PLXNA4: variants seen among roughly 807,000 people sequenced by gnomAD.
PLXNA4 encodes the protein plexin A4.
In PLXNA4, 44 loss-of-function variants were observed where a neutral mutation model predicts 191.8. The observed-to-expected ratio is 0.23, with a 90% CI of 0.18 to 0.29. The LOEUF (loss-of-function observed/expected upper bound fraction) is 0.29, where lower values mean the gene tolerates loss of function less well. Ranked by LOEUF, PLXNA4 falls within the 10% of genes least tolerant of loss-of-function variation. The pLI, the probability that PLXNA4 is intolerant of heterozygous loss-of-function variation, is 1.00. For missense variants in PLXNA4, 1,800 were observed against 2,488.8 expected (o/e 0.72, Z 5.89); for synonymous variants, 1,082 against 1,009.5 (o/e 1.07, Z -1.36).
intron 3 of PLXNA4, among the ~76,000 whole-genome samples, chr7:132,448,788 G>C (rs1313299633): frequency 6.6e-6 from 1 of 152,148 alleles, no homozygotes. Flanking sequence ...CCAACAAAGG[G>C]CTCTGAACTA....
chr7:132,244,665 G>C (rs1798988994), intron 4 of PLXNA4, among the ~76,000 whole-genome samples: 1 of 152,082 alleles, frequency 6.6e-6, no homozygotes, highest in Non-Finnish European at 1.5e-5. Flanking sequence ...CAGAACCAGG[G>C]AAATCTCCCA....
chr7:132,183,385 A>G (rs1796775033), intron 16 of PLXNA4, among the ~76,000 whole-genome samples: 1 of 152,186 alleles, frequency 6.6e-6, no homozygotes, highest in Non-Finnish European at 1.5e-5. Context: ...GTTCACAAGT[A>G]ACCCAGGTGG....
At chr7:132,199,962 G>A (rs1001207465) in intron 12 of PLXNA4, among the ~76,000 whole-genome samples, 1 of 152,224 alleles carries the variant, frequency 6.6e-6, no homozygotes, top group African/African-American at 2.4e-5. Flanking sequence ...ATTTCTATGA[G>A]AGGGAGGTGG....
In PLXNA4 at chr7:132,132,395, C is replaced by G. The variant is rs1794957538; in HGVS notation, c.5589+654G>C. Among the ~76,000 whole-genome samples, 4 of 42,632 alleles carry G rather than the reference C, an allele frequency of 9.4e-5. 1 individual carries two copies. In the Admixed American group the frequency reaches 1.1e-3, roughly 11 times the overall value. 28.0% of individuals were successfully genotyped at this position (42,632 alleles called of 152,430 possible). A position where few individuals can be genotyped will look rare whatever the true frequency, so the allele number is the denominator to read the frequency against. ...CACATTCTATTTGTTCTGTTCTGTT[C>G]TGTTCTGTTCTGTTCTGTTCTGTTC... On this transcript the variant is annotated intron_variant, in intron 31 of 31. Coordinates refer to ENST00000321063, the MANE Select transcript of PLXNA4 (RefSeq NM_020911.2).
chr7:132,361,047 C>A (rs776331179), intron 3 of PLXNA4, among the ~76,000 whole-genome samples: 1 of 152,166 alleles, frequency 6.6e-6, no homozygotes. Flanking sequence ...AAGATACTGG[C>A]CTTAACATGG....
chr7:132,207,324 G>A (rs1366063118), intron 10 of PLXNA4, among the ~76,000 whole-genome samples: 3 of 152,232 alleles, frequency 2.0e-5, no homozygotes, highest in Non-Finnish European at 4.4e-5. Context: ...ATGAGTCCGC[G>A]GAAGCTGGGC....
At chr7:132,337,105 C>T (rs893857426) in intron 3 of PLXNA4, among the ~76,000 whole-genome samples, 3 of 152,222 alleles carry the variant, frequency 2.0e-5, no homozygotes, top group Non-Finnish European at 4.4e-5. Flanking sequence ...AAAGCGGTGG[C>T]AATGTGTCCG....
At position 132,459,188 on chromosome 7, in the gene PLXNA4, G is replaced by A. The variant is rs575675379; in HGVS notation, c.1371+30104C>T. 5.8e-4 allele frequency among the ~76,000 whole-genome samples: 89 copies of A among 152,272 alleles called. 2 individuals are homozygous for A. Among genetic ancestry groups the A allele is most frequent in the South Asian group, 3.9e-3 (19 of 4,820 alleles). On this transcript the variant is annotated intron_variant, in intron 3 of 31. Coordinates refer to ENST00000321063, the MANE Select transcript of PLXNA4 (RefSeq NM_020911.2). ...TTTGGGCTGCTGTCTGATCTAAGACGGCAGCTCTGAGGATCAATTCCCCTG... is the reference window on the plus strand; with the variant it reads ...TTTGGGCTGCTGTCTGATCTAAGACAGCAGCTCTGAGGATCAATTCCCCTG...
At chr7:132,163,041 C>T (rs547929219) in intron 24 of PLXNA4, among the ~76,000 whole-genome samples, 1 of 152,346 alleles carries the variant, frequency 6.6e-6, no homozygotes, top group South Asian at 2.1e-4. Flanking sequence ...TCAGTCTGTT[C>T]CCCGTCCTCC....
intron 3 of PLXNA4, among the ~76,000 whole-genome samples, chr7:132,444,899 C>T (rs994740455): frequency 4.0e-5 from 6 of 151,424 alleles, no homozygotes; most frequent in African/African-American, 1.5e-4. Context: ...CGCGGTGGCT[C>T]ACTCCTGTAA....
intron 3 of PLXNA4, among the ~76,000 whole-genome samples, chr7:132,408,725 C>A (rs1338177610): frequency 6.6e-6 from 1 of 152,136 alleles, no homozygotes; most frequent in Non-Finnish European, 1.5e-5. Flanking sequence ...CTCAAACTCC[C>A]AAAGTGCTGG....
chr7:132,207,274 C>T (rs989838831), intron 10 of PLXNA4, among the ~76,000 whole-genome samples: 5 of 152,204 alleles, frequency 3.3e-5, no homozygotes, highest in Admixed American at 3.3e-4. Flanking sequence ...CTGTTTTGCA[C>T]GTGGTAAATG....
intron 12 of PLXNA4, 26 bp downstream of exon 12, chr7:132,202,620 G>A (rs1797476722): frequency 4.8e-6 from 7 of 1,446,548 alleles, no homozygotes; most frequent in African/African-American, 2.9e-5. Flanking sequence ...TGCCCATTTG[G>A]AGCAGGAGGC....
chr7:132,318,661 C>CTTTTTTT (rs56179808), intron 3 of PLXNA4, among the ~76,000 whole-genome samples: 7 of 109,904 alleles, frequency 6.4e-5, no homozygotes, highest in Non-Finnish European at 7.2e-5. Flanking sequence ...ACGCACTTTG[C>CTTTTTTT]TTTTTTTTTT....
Position 132,126,150 on chromosome 7 carries a change from A to C in PLXNA4, c.*4329T>G, listed in dbSNP as rs1410849086. ...TTAGGTCACAGAGGGTGGTGCTGAG[A>C]CCTGGGCCCATCACAGCATCGTTCA... On this transcript the variant is annotated 3_prime_UTR_variant, in exon 32 of 32. Coordinates refer to ENST00000321063, the MANE Select transcript of PLXNA4 (RefSeq NM_020911.2). 6.6e-6 allele frequency: 1 copy of C among 152,314 alleles called. No individual in the cohort carries two copies. The highest frequency in any genetic ancestry group is 6.5e-5 in the Admixed American group (1 of 15,288). The allele number at this position is 152,314 out of a possible 1,614,324, so 9.4% of individuals were successfully genotyped here.
At position 132,128,007 on chromosome 7, in the gene PLXNA4, A is replaced by ATC. The variant is rs201148129; in HGVS notation, c.*2471_*2472insGA. 6.7e-6 allele frequency: 1 copy of ATC among 149,602 alleles called. No homozygotes were observed. The highest frequency in any genetic ancestry group is 2.1e-4 in the South Asian group (1 of 4,768). The allele number at this position is 149,602 out of a possible 1,614,324, so 9.3% of individuals were successfully genotyped here. A position where few individuals can be genotyped will look rare whatever the true frequency, so the allele number is the denominator to read the frequency against. On this transcript the variant is annotated 3_prime_UTR_variant, in exon 32 of 32. Coordinates refer to ENST00000321063, the MANE Select transcript of PLXNA4 (RefSeq NM_020911.2). ...TTAACTGTGCAAAAAAAAAAAAAAA[A>ATC]AATCAAAATGCACTCACTCATACAC...
chr7:132,273,722 T>A (rs771161595), intron 4 of PLXNA4, among the ~76,000 whole-genome samples: 1 of 152,076 alleles, frequency 6.6e-6, no homozygotes, highest in East Asian at 1.9e-4. Flanking sequence ...CCCCCATTTA[T>A]AAAATGGAGA....
intron 4 of PLXNA4, among the ~76,000 whole-genome samples, chr7:132,296,145 T>C (rs1473349243): frequency 2.0e-5 from 3 of 152,132 alleles, no homozygotes; most frequent in Non-Finnish European, 4.4e-5. Context: ...CAGGCCAGTC[T>C]CCACATCTGT....
At position 132,174,919 on chromosome 7, in the gene PLXNA4, G is replaced by A. The variant is rs13232207; in HGVS notation, c.3876C>T (p.Ala1292=). 1.2e-6 allele frequency: 2 copies of A among 1,613,874 alleles called. No individual in the cohort carries two copies. Among genetic ancestry groups the A allele is most frequent in the African/African-American group, 1.3e-5 (1 of 74,926 alleles). The part of the protein sequence containing the change: ...ESRVALECKE[A]FAELQTDIHE... ...GGATGTCCGTCTGCAGCTCGGCAAA[G>A]GCTGGCACGAAGAGAAGCCTGTGAG... The change falls in exon 21 of 32, where the codon GCC becomes GCT. Residue 1292 remains alanine (A), a splice_region_variant and synonymous_variant. Coordinates refer to ENST00000321063, the MANE Select transcript of PLXNA4 (RefSeq NM_020911.2).
Sources: allele counts gnomAD v4.1 joint callset (sites outside exome capture counted in the v4.1 genomes callset), GRCh38; gene constraint gnomAD v4.1.1; transcripts MANE v1.5; gene names NCBI Gene and HGNC (gene_info 2026-07-23, HGNC 2026-07-21).